The following GRM7 variants were observed in gnomAD, a reference collection of about 807,000 sequenced individuals.
GRM7 encodes the protein metabotropic glutamate receptor 7.
GRM7 carries 35 observed loss-of-function variants against 84.5 expected under a neutral mutation model. That is an observed-to-expected ratio of 0.41 (90% CI 0.32 to 0.55). The LOEUF is 0.55. Among genes scored for constraint, GRM7 ranks in the 20% least tolerant of loss-of-function variants. GRM7 has a pLI of 0.19. For missense variants in GRM7, 1,003 were observed against 1,194.6 expected (o/e 0.84, Z 2.36); for synonymous variants, 487 against 455.1 (o/e 1.07, Z -0.89).
intron 2 of GRM7, among the ~76,000 whole-genome samples, chr3:7,196,125 T>C (rs1695870419): frequency 6.6e-6 from 1 of 151,996 alleles, no homozygotes; most frequent in African/African-American, 2.4e-5. Context: ...ACCTGCTGAG[T>C]GGGTCAGCCA....
Position 7,337,716 on chromosome 3 carries a change from C to T in GRM7, c.1033+31064C>T, listed in dbSNP as rs1050157175. Among the ~76,000 whole-genome samples the T allele has an allele frequency of 2.6e-5, 4 of 152,042 alleles. No homozygotes were observed. The South Asian group carries it at 8.3e-4, about 32-fold the overall frequency. Reference sequence around the variant, plus strand: ...AAAACCACAATGTGATACCACCTTACTCCTACAAAAATGACCATAATTAAA... The same window carrying T: ...AAAACCACAATGTGATACCACCTTATTCCTACAAAAATGACCATAATTAAA... On this transcript the variant is annotated intron_variant, in intron 4 of 9. Coordinates refer to ENST00000357716, the MANE Select transcript of GRM7 (RefSeq NM_000844.4).
intron 7 of GRM7, among the ~76,000 whole-genome samples, chr3:7,479,905 C>T (rs1042947053): frequency 3.3e-5 from 5 of 152,184 alleles, no homozygotes; most frequent in African/African-American, 9.6e-5. Flanking sequence ...AGTTAACTAA[C>T]TCTAACTCTT....
chr3:7,135,282 G>A (rs772549347), intron 1 of GRM7, among the ~76,000 whole-genome samples: 3 of 152,132 alleles, frequency 2.0e-5, no homozygotes, highest in Non-Finnish European at 4.4e-5. Flanking sequence ...GAATAAGCCC[G>A]AAATGGTTCT....
chr3:7,613,402 C>T (rs1034763887), intron 8 of GRM7, among the ~76,000 whole-genome samples: 2 of 152,110 alleles, frequency 1.3e-5, no homozygotes, highest in African/African-American at 2.4e-5. Flanking sequence ...TTTGTAAAGG[C>T]GGCTAGATTC....
chr3:7,403,060 T>G, intron 4 of GRM7: 1 of 282,196 alleles, frequency 3.5e-6, no homozygotes, highest in Non-Finnish European at 7.3e-6. Context: ...AAAATGAAGA[T>G]GGTAACCAGG....
At chr3:7,369,631 A>T (rs1297745085) in intron 4 of GRM7, among the ~76,000 whole-genome samples, 2 of 152,016 alleles carry the variant, frequency 1.3e-5, no homozygotes, top group African/African-American at 2.4e-5. Context: ...AGTTTTCATA[A>T]TTTTTTCTTG....
chr3:7,559,864 C>T (rs1693935245), intron 7 of GRM7, among the ~76,000 whole-genome samples: 1 of 152,082 alleles, frequency 6.6e-6, no homozygotes, highest in Non-Finnish European at 1.5e-5. Context: ...GGGCTCTCCT[C>T]TGGGCTTGCA....
At chr3:6,905,259 A>G (rs1467257615) in intron 1 of GRM7, among the ~76,000 whole-genome samples, 1 of 152,152 alleles carries the variant, frequency 6.6e-6, no homozygotes, top group East Asian at 1.9e-4. Context: ...TATTTCCTTT[A>G]CTCATGTGTC....
intron 2 of GRM7, among the ~76,000 whole-genome samples, chr3:7,157,188 C>G (rs145903141): frequency 3.3e-5 from 5 of 152,166 alleles, no homozygotes; most frequent in African/African-American, 1.2e-4. Flanking sequence ...AGTAAGAAAG[C>G]ACCCCATTGT....
chr3:6,872,868 G>A (rs1695172890), intron 1 of GRM7, among the ~76,000 whole-genome samples: 1 of 152,122 alleles, frequency 6.6e-6, no homozygotes, highest in South Asian at 2.1e-4. Flanking sequence ...TATCATTGAT[G>A]GGCATTTGGG....
intron 4 of GRM7, among the ~76,000 whole-genome samples, chr3:7,346,215 A>G (rs1490759619): frequency 1.3e-5 from 2 of 152,148 alleles, no homozygotes; most frequent in African/African-American, 4.8e-5. Flanking sequence ...TCAATACTGT[A>G]AAAGTATTGA....
chr3:7,041,265 C>T (rs1285295732), intron 1 of GRM7, among the ~76,000 whole-genome samples: 5 of 151,536 alleles, frequency 3.3e-5, no homozygotes, highest in Non-Finnish European at 2.9e-5. Context: ...CCAAGTGTTT[C>T]CTCCTGTCTC....
chr3:7,398,384 C>A (rs1695302712), intron 4 of GRM7, among the ~76,000 whole-genome samples: 1 of 152,042 alleles, frequency 6.6e-6, no homozygotes, highest in Non-Finnish European at 1.5e-5. Flanking sequence ...TTGTTATCAT[C>A]AAGAGGGGAA....
At chr3:7,680,005 A>G in intron 8 of GRM7, 44 bp from the exon 9 acceptor site, 1 of 1,598,212 alleles carries the variant, frequency 6.3e-7, no homozygotes, top group Non-Finnish European at 8.6e-7. Flanking sequence ...CCCCTACTGC[A>G]GTCATTTTAT....
chr3:7,360,730 G>A (rs1693624171), intron 4 of GRM7, among the ~76,000 whole-genome samples: 1 of 152,102 alleles, frequency 6.6e-6, no homozygotes, highest in South Asian at 2.1e-4. Context: ...CACATGTCAT[G>A]GCTAGATGAT....
At chr3:7,716,086 A>G (rs1701762334) in intron 9 of GRM7, among the ~76,000 whole-genome samples, 1 of 152,164 alleles carries the variant, frequency 6.6e-6, no homozygotes, top group Non-Finnish European at 1.5e-5. Flanking sequence ...ATGCAGGGGT[A>G]TCTGAGAAAA....
chr3:7,432,016 G>A (rs1696850809), intron 5 of GRM7, among the ~76,000 whole-genome samples: 1 of 152,132 alleles, frequency 6.6e-6, no homozygotes, highest in African/African-American at 2.4e-5. Flanking sequence ...TGGCTTCCCA[G>A]ATACTCCAAA....
chr3:7,432,562 T>A (rs1269501328), intron 5 of GRM7, among the ~76,000 whole-genome samples: 1 of 151,768 alleles, frequency 6.6e-6, no homozygotes, highest in Admixed American at 6.6e-5. Flanking sequence ...CCTCAGGCAA[T>A]CTTCCCGCCT....
At chr3:7,109,362 A>G (rs1415840877) in intron 1 of GRM7, among the ~76,000 whole-genome samples, 1 of 152,166 alleles carries the variant, frequency 6.6e-6, no homozygotes, top group Non-Finnish European at 1.5e-5. Context: ...ATGTTTCTAT[A>G]AGACTATAGC....
Sources: allele counts gnomAD v4.1 joint callset (sites outside exome capture counted in the v4.1 genomes callset), GRCh38; gene constraint gnomAD v4.1.1; transcripts MANE v1.5; gene names NCBI Gene and HGNC (gene_info 2026-07-23, HGNC 2026-07-21).